The following PAK2 variants were observed in gnomAD, a reference collection of about 807,000 sequenced individuals.
PAK2 encodes the protein p21 (RAC1) activated kinase 2, also known as serine/threonine-protein kinase PAK 2.
In PAK2, 21 loss-of-function variants were observed where a neutral mutation model predicts 65.9. The observed-to-expected ratio is 0.32, with a 90% CI of 0.23 to 0.46. The LOEUF is 0.46. PAK2 is among the 20% of genes least tolerant of loss of function. The pLI, the probability that PAK2 is intolerant of heterozygous loss-of-function variation, is 1.00. For synonymous variants in PAK2, 204 were observed against 219.7 expected, an observed-to-expected ratio of 0.93 and a Z score of 0.63; for missense variants, 324 against 642.6, an observed-to-expected ratio of 0.50 and a Z score of 5.36.
At position 196,791,541 on chromosome 3, in the gene PAK2, C is replaced by A. The variant is rs1715067975; in HGVS notation, c.187+8708C>A. On this transcript the variant is annotated intron_variant, in intron 2 of 14. Coordinates refer to ENST00000327134, the MANE Select transcript of PAK2 (RefSeq NM_002577.4). This position sits in a 1 kb window ranked among gnomAD's most constrained non-coding sequence, Gnocchi z 4.0. Reference sequence around the variant, plus strand: ...ACAACAGGAACCAGGAATACTCTTGCTAGATATGTTATCTCTCACCCTTCT... The same window carrying A: ...ACAACAGGAACCAGGAATACTCTTGATAGATATGTTATCTCTCACCCTTCT... Among the ~76,000 whole-genome samples the A allele has an allele frequency of 6.6e-6, 1 of 152,206 alleles. No individual in the cohort carries two copies.
At chr3:196,796,352 C>T (rs921637237) in intron 2 of PAK2, among the ~76,000 whole-genome samples, 4 of 152,104 alleles carry the variant, frequency 2.6e-5, no homozygotes, top group Non-Finnish European at 5.9e-5. Flanking sequence ...TGTTTGGTCC[C>T]ATTTATATTA....
At chr3:196,819,211 G>A (rs915143550) in intron 12 of PAK2, among the ~76,000 whole-genome samples, 3 of 152,178 alleles carry the variant, frequency 2.0e-5, no homozygotes, top group African/African-American at 7.2e-5. Flanking sequence ...GGAGGTCGAG[G>A]CAGGTGGATT....
At chr3:196,764,948 T>C (rs1714110227) in intron 1 of PAK2, among the ~76,000 whole-genome samples, 1 of 149,092 alleles carries the variant, frequency 6.7e-6, no homozygotes, top group Non-Finnish European at 1.5e-5. Context: ...GTTCACGCCA[T>C]TCTCCTGCCT....
Position 196,782,725 on chromosome 3 carries a change from G to A in PAK2, c.79G>A (p.Gly27Ser). 1 of 1,612,592 alleles carries A rather than the reference G, an allele frequency of 6.2e-7. No homozygotes were observed. Among genetic ancestry groups the A allele is most frequent in the Non-Finnish European group, 8.5e-7 (1 of 1,178,628 alleles). The change falls in exon 2 of 15, where the codon GGC becomes AGC. Residue 27 changes from glycine to serine, a missense_variant. This residue lies in a region of PAK2 where 42 missense variants were observed against 67.4 expected (regional missense o/e 0.62). Transcript: ENST00000327134. ...RMSSTIFSTG[G>S]KDPLSANHSL... ...GAGCAGCACCATCTTTAGCACTGGA[G>A]GCAAAGACCCTTTGTCAGCCAATCA... is the stretch of plus-strand genomic sequence containing the variant.
chr3:196,820,116 T>G lies in PAK2; in HGVS notation c.1154-255T>G, dbSNP rs976202358. 1.3e-5 allele frequency among the ~76,000 whole-genome samples: 2 copies of G among 152,190 alleles called. No homozygotes were observed. The highest frequency in any genetic ancestry group is 3.8e-4 in the East Asian group (2 of 5,202). ...TAGACCTCTTTCAGTTTTATTAAAT[T>G]TTTTAGGATAGAATGAATTATTCAG... On this transcript the variant is annotated intron_variant, in intron 12 of 14. Transcript: ENST00000327134. This position sits in a 1 kb window ranked among gnomAD's most constrained non-coding sequence, Gnocchi z 4.6.
intron 1 of PAK2, among the ~76,000 whole-genome samples, chr3:196,764,627 ATAAAT>A (rs1553801723): frequency 4.1e-5 from 6 of 147,142 alleles, no homozygotes; most frequent in Non-Finnish European, 9.0e-5. Context: ...TCAAAAAAAA[ATAAAT>A]AAATAAATAC....
chr3:196,795,724 G>C (rs543439409), intron 2 of PAK2, among the ~76,000 whole-genome samples: 1 of 152,210 alleles, frequency 6.6e-6, no homozygotes, highest in Non-Finnish European at 1.5e-5. Flanking sequence ...TTTTAAATGC[G>C]TAAAAGCTGA....
chr3:196,758,489 T>C (rs1713838642), intron 1 of PAK2, among the ~76,000 whole-genome samples: 2 of 152,240 alleles, frequency 1.3e-5, no homozygotes, highest in Middle Eastern at 3.4e-3. Flanking sequence ...AAAGAAACAG[T>C]AAGAATAGAA....
intron 13 of PAK2, among the ~76,000 whole-genome samples, chr3:196,826,197 A>G (rs1256276569): frequency 6.7e-6 from 1 of 149,940 alleles, no homozygotes; most frequent in East Asian, 2.0e-4. Flanking sequence ...TTTGGGACGG[A>G]GTCTCGCTCT....
rs150523512 is a variant in PAK2, at chr3:196,809,037, G to A, written c.709+1123G>A. The stretch of plus-strand genomic sequence containing the variant: ...GGATAGCTGGAGTCCAGGAGTTCAA[G>A]GCCGAACTATACAACTTAGACCCCG... On this transcript the variant is annotated intron_variant, in intron 7 of 14. Coordinates refer to ENST00000327134, the MANE Select transcript of PAK2 (RefSeq NM_002577.4). 2.4e-3 allele frequency among the ~76,000 whole-genome samples: 365 copies of A among 151,384 alleles called. 1 individual carries two copies. The highest frequency in any genetic ancestry group is 4.5e-3 in the Non-Finnish European group (306 of 67,846).
At chr3:196,814,872 A>G (rs1425760948) in intron 11 of PAK2, among the ~76,000 whole-genome samples, 2 of 152,190 alleles carry the variant, frequency 1.3e-5, no homozygotes, top group Middle Eastern at 3.2e-3. Context: ...GTAAAAGGGT[A>G]TATATCATTA....
chr3:196,753,894 A>T lies in PAK2; in HGVS notation c.-22+13737A>T, dbSNP rs151198382. ...CTTTGTACTTGGTGCTTTTTAAAAA[A>T]TTTCCAATAATACTTTTGGTGATTA... On this transcript the variant is annotated intron_variant, in intron 1 of 14. Transcript: ENST00000327134. Among the ~76,000 whole-genome samples, 533 of 152,294 alleles carry T rather than the reference A, an allele frequency of 3.5e-3. 2 individuals are homozygous for T. The highest frequency in any genetic ancestry group is 0.012 in the African/African-American group (499 of 41,574).
chr3:196,759,489 G>GTTTTTTTTGTT (rs1713877684), intron 1 of PAK2, among the ~76,000 whole-genome samples: 5 of 98,854 alleles, frequency 5.1e-5, no homozygotes, highest in African/African-American at 8.7e-5. Flanking sequence ...CAGTTAAGTG[G>GTTTTTTTTGTT]TTTTTTTTGT....
chr3:196,808,068 T>A (rs112416781), intron 7 of PAK2, 154 bp downstream of exon 7: 2 of 647,390 alleles, frequency 3.1e-6, no homozygotes, highest in Non-Finnish European at 5.0e-6. Context: ...TACAATCTGG[T>A]GATGTCACCA....
chr3:196,759,121 G>A (rs542837956), intron 1 of PAK2, among the ~76,000 whole-genome samples: 1 of 152,324 alleles, frequency 6.6e-6, no homozygotes, highest in African/African-American at 2.4e-5. Flanking sequence ...AGGCATGGCT[G>A]TGAGGTCGTT....
intron 1 of PAK2, among the ~76,000 whole-genome samples, chr3:196,740,757 C>G (rs1368109674): frequency 6.6e-6 from 1 of 152,154 alleles, no homozygotes; most frequent in African/African-American, 2.4e-5. Context: ...TCTCCTCGCT[C>G]CTGTTTGAGC....
chr3:196,744,549 A>T (rs1204459599), intron 1 of PAK2, among the ~76,000 whole-genome samples: 1 of 152,216 alleles, frequency 6.6e-6, no homozygotes, highest in Non-Finnish European at 1.5e-5. Flanking sequence ...TAAAATTCTT[A>T]AAAAGTGAAA....
intron 2 of PAK2, among the ~76,000 whole-genome samples, chr3:196,787,410 C>G (rs1714925461): frequency 6.6e-6 from 1 of 151,848 alleles, no homozygotes; most frequent in Admixed American, 6.6e-5. Context: ...GAAACGCCAT[C>G]TCTACTAAAA....
chr3:196,788,850 C>G (rs1714978712), intron 2 of PAK2, among the ~76,000 whole-genome samples: 1 of 152,130 alleles, frequency 6.6e-6, no homozygotes, highest in Non-Finnish European at 1.5e-5. Flanking sequence ...CCCGGTGTTA[C>G]TGGAAAGCAG....
Sources: allele counts gnomAD v4.1 joint callset (sites outside exome capture counted in the v4.1 genomes callset), GRCh38; gene constraint gnomAD v4.1.1; regional missense constraint gnomAD v4.1.1; non-coding constraint Gnocchi (gnomAD v3.1); transcripts MANE v1.5; gene names NCBI Gene and HGNC (gene_info 2026-07-23, HGNC 2026-07-21).